Variants in HDAC4 observed in about 807,000 individuals in gnomAD.
HDAC4 encodes the protein histone deacetylase 4.
HDAC4 carries 16 observed loss-of-function variants against 135.1 expected under a neutral mutation model. That is an observed-to-expected ratio of 0.12 (90% confidence interval 0.08 to 0.18). The LOEUF is 0.18. Ranked by LOEUF, HDAC4 falls within the 10% of genes least tolerant of loss-of-function variation. The pLI, the probability that HDAC4 is intolerant of heterozygous loss-of-function variation, is 1.00. For missense variants in HDAC4, 1,143 were observed against 1,511.8 expected, an observed-to-expected ratio of 0.76 and a Z score of 4.05; for synonymous variants, 685 against 653.4, an observed-to-expected ratio of 1.05 and a Z score of -0.74.
chr2:239,104,063 C>G lies in HDAC4; in HGVS notation c.2113-1167G>C, dbSNP rs561244172. Among the ~76,000 whole-genome samples the G allele has an allele frequency of 7.4e-5, 11 of 147,718 alleles. No individual in the cohort carries two copies. The South Asian group carries it at 1.9e-3, about 26-fold the overall frequency. ...CAAAGAAAAGATGTGACACGGCTTC[C>G]GGTGGTAAAAAACGACTCTATGGTC... On this transcript the variant is annotated intron_variant, in intron 15 of 26. Transcript: ENST00000543185.
chr2:239,105,355 C>G (rs1381114045), intron 15 of HDAC4, among the ~76,000 whole-genome samples: 2 of 152,240 alleles, frequency 1.3e-5, no homozygotes, highest in African/African-American at 4.8e-5. Flanking sequence ...AGGAGCTGTT[C>G]TGGCTCCCGG....
intron 3 of HDAC4, among the ~76,000 whole-genome samples, chr2:239,202,381 G>C (rs979883095): frequency 4.8e-4 from 73 of 152,224 alleles, no homozygotes; most frequent in African/African-American, 1.7e-3. Context: ...AGAAGAAACA[G>C]GTAACACCTG....
At chr2:239,333,175 C>T (rs1691700847) in intron 2 of HDAC4, among the ~76,000 whole-genome samples, 1 of 152,064 alleles carries the variant, frequency 6.6e-6, no homozygotes, top group South Asian at 2.1e-4. Context: ...AAACAGGTGT[C>T]AGCAAACTAT....
intron 7 of HDAC4, 68 bp downstream of exon 7, chr2:239,156,584 C>T (rs1363000021): frequency 2.4e-5 from 39 of 1,605,930 alleles, no homozygotes; most frequent in South Asian, 1.5e-4. Context: ...GTGGGCCCTG[C>T]GTGGCTTGTG....
intron 2 of HDAC4, among the ~76,000 whole-genome samples, chr2:239,338,067 C>T (rs74471754): frequency 0.017 from 2,627 of 152,230 alleles, 44 homozygotes; most frequent in East Asian, 0.091. Context: ...GGCTCAGCCC[C>T]GCCCACCAGC....
At chr2:239,254,429 A>G (rs1429391917) in intron 2 of HDAC4, among the ~76,000 whole-genome samples, 1 of 152,150 alleles carries the variant, frequency 6.6e-6, no homozygotes, top group Non-Finnish European at 1.5e-5. Flanking sequence ...AAAAAAAAAA[A>G]AAGTTAAATG....
chr2:239,123,742 G>C (rs1374891710), intron 12 of HDAC4, among the ~76,000 whole-genome samples: 1 of 152,234 alleles, frequency 6.6e-6, no homozygotes, highest in African/African-American at 2.4e-5. Flanking sequence ...GCAGGCAGGA[G>C]GGGCTAATGG....
chr2:239,138,167 T>TA (rs1350598263), intron 9 of HDAC4, among the ~76,000 whole-genome samples: 1 of 152,206 alleles, frequency 6.6e-6, no homozygotes, highest in Non-Finnish European at 1.5e-5. Flanking sequence ...AGAGGACTGT[T>TA]AAAACTTCTA....
At chr2:239,377,672 C>G (rs910693370) in intron 1 of HDAC4, among the ~76,000 whole-genome samples, 1 of 152,262 alleles carries the variant, frequency 6.6e-6, no homozygotes, top group Non-Finnish European at 1.5e-5. Context: ...TGGCTTCTCA[C>G]AAGGGGCAGG....
chr2:239,115,149 C>A lies in HDAC4; in HGVS notation c.1695G>T (p.Gln565His). Residue 565 changes from glutamine (Q) to histidine (H), a missense_variant, in exon 13 of 27, where the codon CAG (glutamine) becomes CAT (histidine). By Grantham distance (24) the Gln-to-His change is conservative. Coordinates refer to ENST00000543185, the MANE Select transcript of HDAC4 (RefSeq NM_001378414.1). This position sits in a 1 kb window ranked among gnomAD's most constrained non-coding sequence, Gnocchi z 6.3. ...CTTCCTCATCGCTCTCAATGGGCTC[C>A]TGCTTCACCTGCACGCCGGCCTGTG... ...AHAQAGVQVK[Q>H]EPIESDEEEA... 1 of 1,611,642 alleles carries A rather than the reference C, an allele frequency of 6.2e-7. No individual in the cohort carries two copies.
At chr2:239,211,709 T>C (rs1288777177) in intron 3 of HDAC4, among the ~76,000 whole-genome samples, 1 of 152,176 alleles carries the variant, frequency 6.6e-6, no homozygotes, top group South Asian at 2.1e-4. Context: ...GGCAGTGACT[T>C]TTCCACTTTG....
intron 17 of HDAC4, chr2:239,091,884 C>A (rs1396231287): frequency 2.7e-5 from 4 of 146,580 alleles, no homozygotes; most frequent in African/African-American, 5.1e-5. Flanking sequence ...CACGGTGAAA[C>A]CCCGTCTCTA....
At chr2:239,163,530 GT>G (rs1001725547) in intron 6 of HDAC4, among the ~76,000 whole-genome samples, 2 of 151,690 alleles carry the variant, frequency 1.3e-5, no homozygotes, top group Non-Finnish European at 2.9e-5. Flanking sequence ...ATGGAGGTGG[GT>G]CCCCCTGTGA....
At chr2:239,227,353 G>A (rs574309491) in intron 3 of HDAC4, among the ~76,000 whole-genome samples, 1 of 152,124 alleles carries the variant, frequency 6.6e-6, no homozygotes, top group African/African-American at 2.4e-5. Flanking sequence ...TCCTGCCCCA[G>A]CATGGGGGCA....
chr2:239,310,349 C>T (rs2052812017), intron 2 of HDAC4, among the ~76,000 whole-genome samples: 1 of 152,252 alleles, frequency 6.6e-6, no homozygotes, highest in Admixed American at 6.5e-5. Context: ...GATACACAAA[C>T]TCTGAGTGAC....
rs773076771 is a variant in HDAC4 at position 239,082,165 on chromosome 2, C to T, written c.2589G>A (p.Leu863=). 7.4e-6 allele frequency: 12 copies of T among 1,614,148 alleles called. No individual in the cohort carries two copies. Among genetic ancestry groups the T allele is most frequent in the Non-Finnish European group, 1.0e-5 (12 of 1,180,024 alleles). Residue 863 remains leucine, a synonymous_variant, in exon 21 of 27, where the codon CTG becomes CTA. Coordinates refer to ENST00000543185, the MANE Select transcript of HDAC4 (RefSeq NM_001378414.1). ...CGTCGTAGCGGTGGAGGGACATGTACAGGACGCTGGGGTCGCTGTAGAAAG... is the reference window on the plus strand; with the variant it reads ...CGTCGTAGCGGTGGAGGGACATGTATAGGACGCTGGGGTCGCTGTAGAAAG... The part of the protein sequence containing the change: ...QQAFYSDPSV[L]YMSLHRYDDG...
intron 2 of HDAC4, among the ~76,000 whole-genome samples, chr2:239,237,503 G>A (rs1290557593): frequency 6.6e-6 from 1 of 151,542 alleles, no homozygotes; most frequent in Admixed American, 6.6e-5. Flanking sequence ...CACCAGTTTC[G>A]CAGGGCAGCC....
Position 239,167,769 on chromosome 2 carries a change from C to T in HDAC4, c.491-3846G>A, listed in dbSNP as rs1445449348. Among the ~76,000 whole-genome samples, 1 of 151,320 alleles carries T rather than the reference C, an allele frequency of 6.6e-6. No homozygotes were observed. Among genetic ancestry groups the T allele is most frequent in the Non-Finnish European group, 1.5e-5 (1 of 67,906 alleles). On this transcript the variant is annotated intron_variant, in intron 5 of 26. Transcript: ENST00000543185. The surrounding 1 kb of genome is among the most constrained non-coding windows in gnomAD (Gnocchi z 4.1). ...TTAATTCACATTGAGTATCACTCAT[C>T]CCCTGCATGGAGGCTTCTACAGAGG... is the stretch of plus-strand genomic sequence containing the variant.
rs1338508895 is a variant in HDAC4, at chr2:239,126,621, G to C, written c.1368C>G (p.Pro456=). ...GGTGCTGCCGCAGCTTGTGGATGGA[G>C]GGGGACACCCGGTCTGCACCAACCA... ...QSLVGADRVS[P]SIHKLRQHRP... The change falls in exon 12 of 27, where the codon CCC becomes CCG. Residue 456 remains proline (P), a synonymous_variant. Coordinates refer to ENST00000543185, the MANE Select transcript of HDAC4 (RefSeq NM_001378414.1). The C allele has an allele frequency of 1.9e-6, 3 of 1,614,018 alleles. No homozygotes were observed. The highest frequency in any genetic ancestry group is 2.2e-5 in the East Asian group (1 of 44,876).
Sources: allele counts gnomAD v4.1 joint callset (sites outside exome capture counted in the v4.1 genomes callset), GRCh38; gene constraint gnomAD v4.1.1; non-coding constraint Gnocchi (gnomAD v3.1); transcripts MANE v1.5; gene names NCBI Gene and HGNC (gene_info 2026-07-23, HGNC 2026-07-21).